PDE1A: variants seen among roughly 807,000 people sequenced by gnomAD.
PDE1A encodes the protein phosphodiesterase 1A, also known as dual specificity calcium/calmodulin-dependent 3',5'-cyclic nucleotide phosphodiesterase 1A.
Under a neutral mutation model 61.7 loss-of-function variants are expected in PDE1A, and 35 were observed. The observed-to-expected ratio is 0.57, with a 90% CI of 0.43 to 0.75. PDE1A has a LOEUF of 0.75. Among genes scored for constraint, PDE1A ranks in the 30% least tolerant of loss-of-function variants. The probability of loss-of-function intolerance (pLI) is 0.00; values close to 1 mark genes in which losing one functional copy is unlikely to be tolerated. For missense variants in PDE1A, 597 were observed against 630.6 expected (o/e 0.95, Z 0.57); for synonymous variants, 232 against 213.2 (o/e 1.09, Z -0.77).
At chr2:182,403,593 C>T (rs1340286087) in intron 1 of PDE1A, among the ~76,000 whole-genome samples, 5 of 113,482 alleles carry the variant, frequency 4.4e-5, no homozygotes, top group South Asian at 2.9e-4. Context: ...AGCCAGACTC[C>T]GTCTCAAAAA....
chr2:182,167,981 AC>A (rs1691751391), exon 14 of PDE1A: 3 of 1,202,654 alleles, frequency 2.5e-6, no homozygotes, highest in African/African-American at 1.6e-5. Flanking sequence ...GACAAATGCC[AC>A]AAAATGCCAT....
At chr2:182,555,036 T>C in the PDE1A span, among the ~76,000 whole-genome samples, 2 of 152,218 alleles carry the variant, frequency 1.3e-5, no homozygotes, top group Non-Finnish European at 2.9e-5. Context: ...TGTCTCATAA[T>C]ACTCATATAA....
intron 1 of PDE1A, among the ~76,000 whole-genome samples, chr2:182,338,860 C>G (rs1440150441): frequency 1.3e-5 from 2 of 152,126 alleles, no homozygotes; most frequent in African/African-American, 4.8e-5. Flanking sequence ...CTTGAGATGA[C>G]AGACAAGTAA....
intron 1 of PDE1A, among the ~76,000 whole-genome samples, chr2:182,390,328 G>C (rs1359907809): frequency 1.3e-5 from 2 of 152,158 alleles, no homozygotes; most frequent in Admixed American, 1.3e-4. Context: ...GGAGAACACT[G>C]ATAGTCTTTG....
At chr2:182,699,564 C>A in the PDE1A span, among the ~76,000 whole-genome samples, 1 of 151,596 alleles carries the variant, frequency 6.6e-6, no homozygotes, top group Non-Finnish European at 1.5e-5. Flanking sequence ...GAGTTAATAC[C>A]TCTTCAAAAA....
At chr2:182,626,526 TA>T in the PDE1A span, among the ~76,000 whole-genome samples, 2 of 151,220 alleles carry the variant, frequency 1.3e-5, no homozygotes, top group Admixed American at 6.6e-5. Context: ...GAGTTTGTGA[TA>T]TTAATCCTTA....
At chr2:182,684,818 A>G in the PDE1A span, among the ~76,000 whole-genome samples, 316 of 152,274 alleles carry the variant, frequency 2.1e-3, 5 homozygotes, top group African/African-American at 7.4e-3. Context: ...CATATAACAT[A>G]TCATTTCTAA....
At chr2:182,489,131 G>A (rs1171511104) in intron 2 of PDE1A, among the ~76,000 whole-genome samples, 2 of 152,176 alleles carry the variant, frequency 1.3e-5, no homozygotes, top group Non-Finnish European at 2.9e-5. Context: ...CCCTAAAGGA[G>A]GTGAGAGGGT....
intron 6 of PDE1A, among the ~76,000 whole-genome samples, chr2:182,226,786 T>C (rs184527646): frequency 6.7e-6 from 1 of 149,884 alleles, no homozygotes; most frequent in African/African-American, 2.5e-5. Flanking sequence ...ATCAGAATTT[T>C]AGGTTGTATT....
the PDE1A span, among the ~76,000 whole-genome samples, chr2:182,704,969 A>G: frequency 5.3e-5 from 8 of 152,252 alleles, no homozygotes; most frequent in Non-Finnish European, 7.3e-5. Context: ...GTGATTGACT[A>G]AAGTATTTAA....
At chr2:182,414,988 C>G (rs932340867) in intron 1 of PDE1A, among the ~76,000 whole-genome samples, 4 of 151,988 alleles carry the variant, frequency 2.6e-5, no homozygotes, top group African/African-American at 9.7e-5. Context: ...AGACTGGAGT[C>G]GGAAAGTATT....
chr2:182,237,483 AAAAC>A (rs1690122367), intron 3 of PDE1A, among the ~76,000 whole-genome samples: 1 of 152,194 alleles, frequency 6.6e-6, no homozygotes, highest in Non-Finnish European at 1.5e-5. Flanking sequence ...GTCTCAAAGA[AAAAC>A]AAAACAAACA....
chr2:182,682,858 A>T, the PDE1A span, among the ~76,000 whole-genome samples: 1 of 152,244 alleles, frequency 6.6e-6, no homozygotes, highest in African/African-American at 2.4e-5. Context: ...CAACCTTATC[A>T]GATAAGATTG....
chr2:182,567,782 T>TC, the PDE1A span, among the ~76,000 whole-genome samples: 7 of 151,464 alleles, frequency 4.6e-5, no homozygotes, highest in Non-Finnish European at 1.0e-4. Flanking sequence ...ACTTTTTTTT[T>TC]CTTTTTTTCT....
In PDE1A at chr2:182,286,670, G is replaced by A. The variant is rs149122627; in HGVS notation, c.54-22256C>T. On this transcript the variant is annotated intron_variant, in intron 1 of 13. Transcript: ENST00000351439. The stretch of plus-strand genomic sequence containing the variant: ...CGGTGGAGAGGGAAAGAACATGGAT[G>A]GTTGTATGTGGAAGGCTTTATGGTT... 1.2e-3 allele frequency among the ~76,000 whole-genome samples: 185 copies of A among 152,212 alleles called. 3 individuals carry two copies. Among genetic ancestry groups the A allele is most frequent in the East Asian group, 2.3e-3 (12 of 5,170 alleles).
At chr2:182,552,535 A>C in the PDE1A span, among the ~76,000 whole-genome samples, 1 of 149,448 alleles carries the variant, frequency 6.7e-6, no homozygotes, top group Non-Finnish European at 1.5e-5. Flanking sequence ...ACTGAGAGAC[A>C]GGACTAGCTG....
intron 1 of PDE1A, among the ~76,000 whole-genome samples, chr2:182,289,930 A>T (rs1181695183): frequency 6.6e-6 from 1 of 152,144 alleles, no homozygotes; most frequent in African/African-American, 2.4e-5. Context: ...TGGATCAAAC[A>T]TATTCTGTAT....
intron 2 of PDE1A, among the ~76,000 whole-genome samples, chr2:182,513,251 T>C (rs933863851): frequency 6.6e-6 from 1 of 152,100 alleles, no homozygotes; most frequent in African/African-American, 2.4e-5. Flanking sequence ...AGCAGACCTT[T>C]CAACAAAAAC....
chr2:182,564,591 T>C, the PDE1A span, among the ~76,000 whole-genome samples: 52,734 of 151,864 alleles, frequency 0.35, 10,698 homozygotes, highest in East Asian at 0.56. Flanking sequence ...TGAATCTGAA[T>C]GTTGGCCTGC....
Sources: allele counts gnomAD v4.1 joint callset (sites outside exome capture counted in the v4.1 genomes callset), GRCh38; gene constraint gnomAD v4.1.1; transcripts MANE v1.5; gene names NCBI Gene and HGNC (gene_info 2026-07-23, HGNC 2026-07-21).